LPGAT1: variants seen among roughly 807,000 people sequenced by gnomAD.
The protein encoded by LPGAT1 is lysophosphatidylglycerol acyltransferase 1.
A neutral mutation model predicts 47.5 loss-of-function variants in LPGAT1; 11 were observed. That is an observed-to-expected ratio of 0.23 (90% confidence interval 0.15 to 0.38). The LOEUF is 0.38. Ranked by LOEUF, LPGAT1 falls within the 10% of genes least tolerant of loss-of-function variation. The probability of loss-of-function intolerance (pLI) is 1.00; values close to 1 mark genes in which losing one functional copy is unlikely to be tolerated. For synonymous variants in LPGAT1, 138 were observed against 144.2 expected (o/e 0.96, Z 0.31); for missense variants, 293 against 439.0 (o/e 0.67, Z 2.97).
intron 6 of LPGAT1, among the ~76,000 whole-genome samples, chr1:211,759,571 C>T (rs1272259447): frequency 6.6e-6 from 1 of 152,046 alleles, no homozygotes; most frequent in Non-Finnish European, 1.5e-5. Context: ...ATTTAATTTG[C>T]TTTTCTTTTT....
At position 211,746,586 on chromosome 1, in the gene LPGAT1, GATT is replaced by G. The variant is rs1656952365; in HGVS notation, c.*3310_*3312del. ...TTGATTTACCTATCATTTATTACCA[GATT>G]ATCTATCCAGAAAGTAATCAATCTA... On this transcript the variant is annotated 3_prime_UTR_variant, in exon 8 of 8. Coordinates refer to ENST00000366997, the MANE Select transcript of LPGAT1 (RefSeq NM_014873.3). 2 of 152,146 alleles carry G rather than the reference GATT, an allele frequency of 1.3e-5. No homozygotes were observed. The highest frequency in any genetic ancestry group is 1.3e-4 in the Admixed American group (2 of 15,268). The allele number at this position is 152,146 out of a possible 1,614,324, so 9.4% of individuals were successfully genotyped here.
chr1:211,783,852 G>A (rs1658738356), intron 4 of LPGAT1, among the ~76,000 whole-genome samples: 1 of 152,194 alleles, frequency 6.6e-6, no homozygotes, highest in Non-Finnish European at 1.5e-5. Flanking sequence ...CTTTCATGGA[G>A]CTTACATTCT....
rs1313068172 is a variant in LPGAT1, at chr1:211,744,708, C to T, written c.*5191G>A. ...TTCTTGCTATCAGCAAAATTTATAA[C>T]AAACATGTATAGTTGAATACATAAT... On this transcript the variant is annotated 3_prime_UTR_variant, in exon 8 of 8. Coordinates refer to ENST00000366997, the MANE Select transcript of LPGAT1 (RefSeq NM_014873.3). 1 of 152,136 alleles carries T rather than the reference C, an allele frequency of 6.6e-6. No homozygotes were observed. The highest frequency in any genetic ancestry group is 2.4e-5 in the African/African-American group (1 of 41,434). 9.4% of individuals were successfully genotyped at this position (152,136 alleles called of 1,614,324 possible). A position where few individuals can be genotyped will look rare whatever the true frequency, so the allele number is the denominator to read the frequency against.
chr1:211,811,353 C>A (rs1054108873), intron 2 of LPGAT1, among the ~76,000 whole-genome samples: 1 of 152,100 alleles, frequency 6.6e-6, no homozygotes, highest in African/African-American at 2.4e-5. Flanking sequence ...TTATAAACAA[C>A]AGAAAGCCAG....
chr1:211,812,063 A>G (rs1204929214), intron 2 of LPGAT1, among the ~76,000 whole-genome samples: 1 of 152,186 alleles, frequency 6.6e-6, no homozygotes, highest in Non-Finnish European at 1.5e-5. Flanking sequence ...ATTGTTTTCA[A>G]CATTAAGTAA....
At chr1:211,788,376 C>T (rs753653764) in intron 3 of LPGAT1, among the ~76,000 whole-genome samples, 4 of 151,976 alleles carry the variant, frequency 2.6e-5, no homozygotes, top group African/African-American at 4.8e-5. Flanking sequence ...CTTTCTTTCA[C>T]GCAAATTTAA....
At chr1:211,794,486 T>A (rs966932279) in intron 2 of LPGAT1, among the ~76,000 whole-genome samples, 1 of 152,092 alleles carries the variant, frequency 6.6e-6, no homozygotes, top group East Asian at 1.9e-4. Flanking sequence ...GTATTTTTTT[T>A]GTAGACACAG....
chr1:211,811,678 A>T (rs1659992983), intron 2 of LPGAT1, among the ~76,000 whole-genome samples: 1 of 151,942 alleles, frequency 6.6e-6, no homozygotes, highest in African/African-American at 2.4e-5. Context: ...AATTGCTTGA[A>T]CCTGGGAGGT....
intron 2 of LPGAT1, among the ~76,000 whole-genome samples, chr1:211,825,361 CTTTAA>C (rs1247371732): frequency 6.6e-6 from 1 of 151,576 alleles, no homozygotes; most frequent in Non-Finnish European, 1.5e-5. Context: ...CTGGCTAAGA[CTTTAA>C]TTAAATGTGT....
intron 6 of LPGAT1, among the ~76,000 whole-genome samples, chr1:211,768,003 T>G (rs530658972): frequency 6.6e-6 from 1 of 152,340 alleles, no homozygotes; most frequent in East Asian, 1.9e-4. Context: ...CCCCAATATG[T>G]TGAATAACTG....
At chr1:211,767,241 T>A (rs1158083668) in intron 6 of LPGAT1, among the ~76,000 whole-genome samples, 1 of 152,138 alleles carries the variant, frequency 6.6e-6, no homozygotes, top group Non-Finnish European at 1.5e-5. Flanking sequence ...TGGGTTCAAG[T>A]GATTCTCCTG....
At chr1:211,811,146 A>G (rs1187822959) in intron 2 of LPGAT1, among the ~76,000 whole-genome samples, 1 of 152,214 alleles carries the variant, frequency 6.6e-6, no homozygotes, top group Non-Finnish European at 1.5e-5. Context: ...AGTTTTTATG[A>G]AAGTTAAAGA....
Position 211,749,074 on chromosome 1 carries a change from A to C in LPGAT1, c.*825T>G, listed in dbSNP as rs989786088. ...AGCACTGGCAGGCAAATAAACACAC[A>C]GAGACAAGACAGTTCTCGAGAACCT... On this transcript the variant is annotated 3_prime_UTR_variant, in exon 8 of 8. Coordinates refer to ENST00000366997, the MANE Select transcript of LPGAT1 (RefSeq NM_014873.3). The C allele has an allele frequency of 6.5e-6, 1 of 152,746 alleles. No homozygotes were observed. The highest frequency in any genetic ancestry group is 2.4e-5 in the African/African-American group (1 of 41,476). 9.5% of individuals were successfully genotyped at this position (152,746 alleles called of 1,614,324 possible). A position where few individuals can be genotyped will look rare whatever the true frequency, so the allele number is the denominator to read the frequency against.
intron 2 of LPGAT1, among the ~76,000 whole-genome samples, chr1:211,819,861 T>C (rs1284325433): frequency 6.6e-6 from 1 of 151,962 alleles, no homozygotes; most frequent in East Asian, 1.9e-4. Context: ...GGCAGACGCC[T>C]GTACTGCCAG....
chr1:211,760,718 G>A (rs1657661451), intron 6 of LPGAT1, among the ~76,000 whole-genome samples: 1 of 152,136 alleles, frequency 6.6e-6, no homozygotes, highest in East Asian at 1.9e-4. Context: ...TGTATGTATG[G>A]GGCAGACTCC....
At chr1:211,779,748 A>T (rs138752413) in intron 5 of LPGAT1, among the ~76,000 whole-genome samples, 16 of 152,266 alleles carry the variant, frequency 1.1e-4, no homozygotes, top group African/African-American at 3.9e-4. Flanking sequence ...GCTGTTTGGG[A>T]GGCTGAGGCA....
At chr1:211,825,231 G>A (rs1359804780) in intron 2 of LPGAT1, among the ~76,000 whole-genome samples, 9 of 107,736 alleles carry the variant, frequency 8.4e-5, no homozygotes, top group Admixed American at 2.8e-4. Context: ...GGTCTCTGTC[G>A]CCCAGATTGG....
chr1:211,815,649 T>A (rs1660143748), intron 2 of LPGAT1, among the ~76,000 whole-genome samples: 1 of 152,038 alleles, frequency 6.6e-6, no homozygotes, highest in African/African-American at 2.4e-5. Flanking sequence ...TAATATGCAC[T>A]ACAAAGCTTT....
intron 6 of LPGAT1, among the ~76,000 whole-genome samples, chr1:211,762,317 T>C (rs903990516): frequency 1.3e-5 from 2 of 152,190 alleles, no homozygotes; most frequent in Non-Finnish European, 2.9e-5. Flanking sequence ...GCTGGTGAAG[T>C]ATCTATTGCT....
Sources: gnomAD v4.1 joint callset for allele counts (sites outside exome capture counted in the v4.1 genomes callset) on GRCh38, gnomAD v4.1.1 for gene constraint, MANE v1.5 for transcripts, NCBI Gene and HGNC (gene_info 2026-07-23, HGNC 2026-07-21) for gene names.